The following DOK6 variants were observed in gnomAD, a reference collection of about 807,000 sequenced individuals.
The protein encoded by DOK6 is docking protein 6, also known as downstream of tyrosine kinase 6.
DOK6 carries 22 observed loss-of-function variants against 44.0 expected under a neutral mutation model. That is an observed-to-expected ratio of 0.50 (90% CI 0.36 to 0.71). DOK6 has a LOEUF of 0.71. Among genes scored for constraint, DOK6 ranks in the 30% least tolerant of loss-of-function variants. The pLI, the probability that DOK6 is intolerant of heterozygous loss-of-function variation, is 0.00. For missense variants in DOK6, 340 were observed against 416.4 expected, an observed-to-expected ratio of 0.82 and a Z score of 1.60; for synonymous variants, 166 against 145.5, an observed-to-expected ratio of 1.14 and a Z score of -1.01.
chr18:69,431,884 C>T (rs1978816451), intron 1 of DOK6, among the ~76,000 whole-genome samples: 2 of 152,196 alleles, frequency 1.3e-5, no homozygotes, highest in Non-Finnish European at 2.9e-5. Flanking sequence ...TACCCTTCAT[C>T]TGGCATTCCC....
chr18:69,727,613 C>T (rs1978316674), intron 5 of DOK6, among the ~76,000 whole-genome samples: 1 of 152,108 alleles, frequency 6.6e-6, no homozygotes, highest in African/African-American at 2.4e-5. Flanking sequence ...GTAGATCTGG[C>T]CTGATGACTA....
intron 3 of DOK6, among the ~76,000 whole-genome samples, chr18:69,608,157 C>G (rs917456356): frequency 1.3e-5 from 2 of 152,152 alleles, no homozygotes; most frequent in Non-Finnish European, 2.9e-5. Context: ...CTTATAACAG[C>G]CTTTAATCTA....
chr18:69,401,865 C>T (rs1314040347), intron 1 of DOK6, among the ~76,000 whole-genome samples: 1 of 152,162 alleles, frequency 6.6e-6, no homozygotes, highest in Non-Finnish European at 1.5e-5. Flanking sequence ...CTCCCCTACC[C>T]GGGGACCCGC....
intron 7 of DOK6, among the ~76,000 whole-genome samples, chr18:69,818,943 C>A (rs1226323473): frequency 6.6e-6 from 1 of 152,198 alleles, no homozygotes; most frequent in Admixed American, 6.6e-5. Flanking sequence ...TTGCCCTCAG[C>A]AGGCTATTGT....
In DOK6 at chr18:69,462,665, T is replaced by A. The variant is rs1400064888; in HGVS notation, c.66+61355T>A. ...TGAATTGCTTTGGCTTTAAAAAATG[T>A]TTTTATACAGCATTCATGTACGGTA... On this transcript the variant is annotated intron_variant, in intron 1 of 7. Coordinates refer to ENST00000382713, the MANE Select transcript of DOK6 (RefSeq NM_152721.6). Among the ~76,000 whole-genome samples the A allele has an allele frequency of 2.0e-5, 3 of 152,222 alleles. No homozygotes were observed. In the East Asian group the frequency reaches 5.8e-4, roughly 29 times the overall value.
chr18:69,670,306 ATGTTTTCAT>A (rs1224695115), intron 3 of DOK6, among the ~76,000 whole-genome samples: 1 of 152,070 alleles, frequency 6.6e-6, no homozygotes, highest in Non-Finnish European at 1.5e-5. Context: ...ATCGTTGGCT[ATGTTTTCAT>A]ATTCCTGCAC....
chr18:69,727,364 CG>C (rs145112470), intron 5 of DOK6, among the ~76,000 whole-genome samples: 2,632 of 152,250 alleles, frequency 0.017, 65 homozygotes, highest in African/African-American at 0.059. Context: ...TGTTCTAGCA[CG>C]TATCATTCTA....
chr18:69,533,694 GT>G (rs1261468059), intron 1 of DOK6, among the ~76,000 whole-genome samples: 4 of 152,046 alleles, frequency 2.6e-5, no homozygotes, highest in Non-Finnish European at 5.9e-5. Context: ...TAAGTTTAGA[GT>G]TTTAGTAGAC....
Position 69,401,197 on chromosome 18 carries a change from G to T in DOK6, c.-48G>T. 6.6e-7 allele frequency: 1 copy of T among 1,508,292 alleles called. No individual in the cohort carries two copies. Among genetic ancestry groups the T allele is most frequent in the African/African-American group, 1.4e-5 (1 of 69,130 alleles). The allele number at this position is 1,508,292 out of a possible 1,614,324, so 93.4% of individuals were successfully genotyped here. ...GACCCGGCGGCGGACGGCGGCTCTC[G>T]ACTCCGGAGAGCGGATCGCGGGGCG... is the stretch of plus-strand genomic sequence containing the variant. On this transcript the variant is annotated 5_prime_UTR_variant, in exon 1 of 8. Coordinates refer to ENST00000382713, the MANE Select transcript of DOK6 (RefSeq NM_152721.6).
At chr18:69,715,295 G>A (rs1168629504) in intron 5 of DOK6, among the ~76,000 whole-genome samples, 1 of 152,126 alleles carries the variant, frequency 6.6e-6, no homozygotes, top group South Asian at 2.1e-4. Flanking sequence ...CTGGCAAAAT[G>A]TAAGCACACC....
In DOK6 at chr18:69,757,825, C is replaced by G. The variant is rs1979409278; in HGVS notation, c.808C>G (p.His270Asp). ...ATCTCTTCCTCGCAGCGCGTACTGG[C>G]ATCACATCACTCGTCAGAACAGCGT... ...SISLPRSAYW[H>D]HITRQNSVGE... Residue 270 changes from histidine (H) to aspartate (D), a missense_variant, in exon 7 of 8, where the codon CAT (histidine) becomes GAT (aspartate). By Grantham distance (81) the His-to-Asp change is moderately conservative. Around this residue, in one of 3 missense-constraint regions of DOK6, gnomAD observed 112 missense variants for 109.3 expected, o/e 1.02. Transcript: ENST00000382713. 6.2e-7 allele frequency: 1 copy of G among 1,614,180 alleles called. No homozygotes were observed. The highest frequency in any genetic ancestry group is 8.5e-7 in the Non-Finnish European group (1 of 1,180,002).
chr18:69,634,252 C>T (rs1240569091), intron 3 of DOK6, among the ~76,000 whole-genome samples: 1 of 152,116 alleles, frequency 6.6e-6, no homozygotes, highest in Admixed American at 6.6e-5. Context: ...AATAATACCT[C>T]TTCACTTACA....
At chr18:69,401,606 C>T (rs1378248943) in intron 1 of DOK6, among the ~76,000 whole-genome samples, 1 of 152,146 alleles carries the variant, frequency 6.6e-6, no homozygotes, top group African/African-American at 2.4e-5. Flanking sequence ...CAACGAGGAA[C>T]GTGCCTTGGA....
chr18:69,444,644 CT>C (rs200365790), intron 1 of DOK6, among the ~76,000 whole-genome samples: 36,774 of 132,362 alleles, frequency 0.28, 3,957 homozygotes, highest in East Asian at 0.4. Flanking sequence ...TAAAATCAAC[CT>C]TTTTTTTTTT....
chr18:69,416,189 GGAAC>G (rs1381853633), intron 1 of DOK6, among the ~76,000 whole-genome samples: 23 of 139,850 alleles, frequency 1.6e-4, no homozygotes, highest in African/African-American at 2.6e-4. Context: ...AACGAAGGAA[GGAAC>G]GAAGGAAGGA....
chr18:69,504,135 A>G (rs1275247103), intron 1 of DOK6, among the ~76,000 whole-genome samples: 3 of 152,068 alleles, frequency 2.0e-5, no homozygotes, highest in African/African-American at 7.2e-5. Context: ...TAAGTTTCAG[A>G]TAGAGAACTG....
chr18:69,842,342 A>G lies in DOK6; in HGVS notation c.*959A>G, dbSNP rs1982249706. The G allele has an allele frequency of 1.3e-5, 2 of 152,168 alleles. No homozygotes were observed. The highest frequency in any genetic ancestry group is 4.1e-4 in the South Asian group (2 of 4,828). The allele number at this position is 152,168 out of a possible 1,614,324, so 9.4% of individuals were successfully genotyped here. A position where few individuals can be genotyped will look rare whatever the true frequency, so the allele number is the denominator to read the frequency against. On this transcript the variant is annotated 3_prime_UTR_variant, in exon 8 of 8. Transcript: ENST00000382713. ...ACAATGTTGCTCCCTGTGGCCATCC[A>G]TCTGAGCTACGTGAGGAGGATTCCA... is the stretch of plus-strand genomic sequence containing the variant.
At chr18:69,636,432 T>C (rs1204633843) in intron 3 of DOK6, among the ~76,000 whole-genome samples, 1 of 152,174 alleles carries the variant, frequency 6.6e-6, no homozygotes, top group Non-Finnish European at 1.5e-5. Context: ...TCATAGAGGA[T>C]TCCCTGTGAA....
At chr18:69,832,545 T>G (rs1456648517) in intron 7 of DOK6, 1 of 152,016 alleles carries the variant, frequency 6.6e-6, no homozygotes, top group African/African-American at 2.4e-5. Context: ...CCTCATAGAG[T>G]AGGTTTGGAA....
Sources: gnomAD v4.1 joint callset for allele counts (sites outside exome capture counted in the v4.1 genomes callset) on GRCh38, gnomAD v4.1.1 for gene constraint, gnomAD v4.1.1 regional missense constraint, MANE v1.5 for transcripts, NCBI Gene and HGNC (gene_info 2026-07-23, HGNC 2026-07-21) for gene names.